The following CFAP299 variants were observed in gnomAD, a reference collection of about 807,000 sequenced individuals.
The protein encoded by CFAP299 is cilia- and flagella-associated protein 299.
Under a neutral mutation model 27.0 loss-of-function variants are expected in CFAP299, and 21 were observed. The observed-to-expected ratio is 0.78, with a 90% CI of 0.55 to 1.12. The LOEUF is 1.12. Ranked by LOEUF, CFAP299 falls within the 50% of genes most tolerant of loss-of-function variation. The pLI, the probability that CFAP299 is intolerant of heterozygous loss-of-function variation, is 0.00. For synonymous variants in CFAP299, 104 were observed against 98.1 expected (o/e 1.06, Z -0.36); for missense variants, 310 against 276.6 (o/e 1.12, Z -0.86).
chr4:80,960,320 G>A (rs1191642241), intron 5 of CFAP299, among the ~76,000 whole-genome samples: 2 of 151,846 alleles, frequency 1.3e-5, no homozygotes, highest in African/African-American at 4.8e-5. Flanking sequence ...GGGGATCCAT[G>A]AGCACAAAAC....
At chr4:80,744,608 G>A (rs921237183) in intron 3 of CFAP299, among the ~76,000 whole-genome samples, 13 of 151,474 alleles carry the variant, frequency 8.6e-5, no homozygotes, top group South Asian at 2.1e-4. Flanking sequence ...GTTGATCGCC[G>A]TGTTAATCCC....
At chr4:80,697,252 G>C (rs1025622500) in intron 3 of CFAP299, among the ~76,000 whole-genome samples, 1 of 152,036 alleles carries the variant, frequency 6.6e-6, no homozygotes, top group Non-Finnish European at 1.5e-5. Flanking sequence ...AGAGATCCCT[G>C]TTAAATAAGG....
At chr4:80,830,212 C>T (rs540370628) in intron 3 of CFAP299, among the ~76,000 whole-genome samples, 22 of 152,010 alleles carry the variant, frequency 1.4e-4, no homozygotes, top group Admixed American at 7.9e-4. Context: ...TGTCAAATAA[C>T]GAATGTGAAA....
rs190320396 is a variant in CFAP299, at chr4:80,710,774, T to C, written c.333+127591T>C. Among the ~76,000 whole-genome samples the C allele has an allele frequency of 1.2e-3, 175 of 152,150 alleles. 1 individual carries two copies. The highest frequency in any genetic ancestry group is 3.4e-3 in the Middle Eastern group (1 of 294). Reference sequence around the variant, plus strand: ...TCATTCTACTTTTTTTTACTCACTCTAAAATTCCATCAGACCGTACACATA... The same window carrying C: ...TCATTCTACTTTTTTTTACTCACTCCAAAATTCCATCAGACCGTACACATA... On this transcript the variant is annotated intron_variant, in intron 3 of 5. Transcript: ENST00000358105.
intron 2 of CFAP299, among the ~76,000 whole-genome samples, chr4:80,542,397 C>A (rs1439401813): frequency 2.0e-5 from 3 of 152,136 alleles, no homozygotes; most frequent in Non-Finnish European, 4.4e-5. Context: ...AGTAAACTGT[C>A]ATACTCTTAA....
intron 3 of CFAP299, among the ~76,000 whole-genome samples, chr4:80,752,872 C>A (rs917023766): frequency 1.3e-5 from 2 of 151,640 alleles, no homozygotes; most frequent in African/African-American, 4.8e-5. Flanking sequence ...AAATAATATG[C>A]CACTTTGTCT....
chr4:80,589,559 G>A (rs1406313363), intron 3 of CFAP299, among the ~76,000 whole-genome samples: 2 of 151,932 alleles, frequency 1.3e-5, no homozygotes, highest in African/African-American at 4.8e-5. Context: ...AATACATAAA[G>A]CTGACAAAGC....
chr4:80,653,136 C>T (rs1181003354), intron 3 of CFAP299, among the ~76,000 whole-genome samples: 5 of 152,184 alleles, frequency 3.3e-5, no homozygotes, highest in African/African-American at 1.2e-4. Flanking sequence ...CAGCTATATG[C>T]ACACTTGTAT....
At chr4:80,850,625 G>C (rs555465454) in intron 3 of CFAP299, among the ~76,000 whole-genome samples, 6 of 152,110 alleles carry the variant, frequency 3.9e-5, no homozygotes, top group Non-Finnish European at 7.4e-5. Flanking sequence ...TAGAATAATA[G>C]TTTGGTAGGA....
At chr4:80,331,599 G>A (rs1293330065), upstream of CFAP299, among the ~76,000 whole-genome samples, 6 of 152,160 alleles carry the variant, frequency 3.9e-5, no homozygotes, top group African/African-American at 7.2e-5. Flanking sequence ...CAGGGGTGAC[G>A]GAGAAGTAAG....
At chr4:80,750,707 G>A (rs1724883694) in intron 3 of CFAP299, among the ~76,000 whole-genome samples, 1 of 152,250 alleles carries the variant, frequency 6.6e-6, no homozygotes, top group African/African-American at 2.4e-5. Context: ...TTGATCATGT[G>A]GTGAAGATAT....
Position 80,732,062 on chromosome 4 carries a change from G to GAC in CFAP299, c.334-137925_334-137924dup, listed in dbSNP as rs1354639341. ...CCCTGCATTCATACACAGACACACA[G>GAC]ACACACAGACACACACACACACACA... On this transcript the variant is annotated intron_variant, in intron 3 of 5. Coordinates refer to ENST00000358105, the MANE Select transcript of CFAP299 (RefSeq NM_152770.3). 3.9e-3 allele frequency among the ~76,000 whole-genome samples: 546 copies of GAC among 139,440 alleles called. 3 individuals are homozygous for GAC. The highest frequency in any genetic ancestry group is 0.015 in the African/African-American group (508 of 33,654). 91.5% of individuals were successfully genotyped at this position (139,440 alleles called of 152,430 possible).
rs570872976 is a variant in CFAP299, at chr4:80,850,911, G to C, written c.334-19082G>C. ...GAAGCTAAAATCAGCAGAATTTGAT[G>C]ATTAATTAGATGTGGGAAGTAAAAG... On this transcript the variant is annotated intron_variant, in intron 3 of 5. Transcript: ENST00000358105. Among the ~76,000 whole-genome samples the C allele has an allele frequency of 5.3e-5, 8 of 152,200 alleles. No homozygotes were observed. In the East Asian group the frequency reaches 1.5e-3, roughly 29 times the overall value.
chr4:80,682,853 T>C (rs1719928600), intron 3 of CFAP299, among the ~76,000 whole-genome samples: 1 of 152,148 alleles, frequency 6.6e-6, no homozygotes, highest in Non-Finnish European at 1.5e-5. Flanking sequence ...TCTTGAGACC[T>C]GCCATTCGAT....
intron 4 of CFAP299, among the ~76,000 whole-genome samples, chr4:80,923,288 A>G (rs1454410639): frequency 6.6e-6 from 1 of 152,068 alleles, no homozygotes. Flanking sequence ...TGCAATTCAC[A>G]TACACACCCT....
At chr4:80,718,962 A>C (rs1461379507) in intron 3 of CFAP299, among the ~76,000 whole-genome samples, 1 of 152,170 alleles carries the variant, frequency 6.6e-6, no homozygotes, top group African/African-American at 2.4e-5. Context: ...ATGCAGCCAT[A>C]AAAAAGAACA....
chr4:80,570,455 C>T (rs1456861568), intron 2 of CFAP299, among the ~76,000 whole-genome samples: 2 of 151,698 alleles, frequency 1.3e-5, no homozygotes, highest in African/African-American at 2.4e-5. Context: ...ATAAAGTGGA[C>T]AAAAAACTGG....
At chr4:80,737,709 T>C (rs1723991676) in intron 3 of CFAP299, among the ~76,000 whole-genome samples, 3 of 151,956 alleles carry the variant, frequency 2.0e-5, no homozygotes, top group Non-Finnish European at 1.5e-5. Context: ...ACTTTGTTTA[T>C]CTTTCAGAAA....
chr4:80,875,724 G>A (rs1001375402), intron 4 of CFAP299, among the ~76,000 whole-genome samples: 6 of 150,796 alleles, frequency 4.0e-5, no homozygotes, highest in African/African-American at 1.5e-4. Flanking sequence ...AACTGCAGCT[G>A]CTTCCTCAGA....
Sources: gnomAD v4.1 joint callset for allele counts (sites outside exome capture counted in the v4.1 genomes callset) on GRCh38, gnomAD v4.1.1 for gene constraint, MANE v1.5 for transcripts, NCBI Gene and HGNC (gene_info 2026-07-23, HGNC 2026-07-21) for gene names.